TENT4A: variants seen among roughly 807,000 people sequenced by gnomAD.
TENT4A encodes terminal nucleotidyltransferase 4A.
Under a neutral mutation model 72.8 loss-of-function variants are expected in TENT4A, and 7 were observed. That is an observed-to-expected ratio of 0.10 (90% CI 0.05 to 0.18). The LOEUF is 0.18. TENT4A is among the 10% of genes least tolerant of loss of function. The pLI is 1.00. For missense variants in TENT4A, 831 were observed against 1,017.7 expected, an observed-to-expected ratio of 0.82 and a Z score of 2.50; for synonymous variants, 456 against 434.3, an observed-to-expected ratio of 1.05 and a Z score of -0.62.
intron 1 of TENT4A, 82 bp from the exon 2 acceptor site, chr5:6,737,428 C>T (rs560246108): frequency 1.0e-5 from 13 of 1,250,122 alleles, no homozygotes; most frequent in South Asian, 2.8e-5. Flanking sequence ...TATGTTTGAG[C>T]GTCATCCTGA....
intron 10 of TENT4A, 98 bp downstream of exon 10, chr5:6,750,601 C>T: frequency 8.2e-7 from 1 of 1,223,832 alleles, no homozygotes. Flanking sequence ...TGGTTTTGCT[C>T]AGGTTTTGTT....
chr5:6,731,328 A>G (rs561522462), intron 1 of TENT4A, among the ~76,000 whole-genome samples: 1 of 152,208 alleles, frequency 6.6e-6, no homozygotes, highest in Non-Finnish European at 1.5e-5. Flanking sequence ...TGGGAACTGA[A>G]CTCACATGCA....
At chr5:6,748,121 C>T (rs1013777551) in intron 7 of TENT4A, among the ~76,000 whole-genome samples, 1 of 152,312 alleles carries the variant, frequency 6.6e-6, no homozygotes, top group Non-Finnish European at 1.5e-5. Context: ...TTGGCTTCCT[C>T]ATGTTTCTGC....
intron 6 of TENT4A, among the ~76,000 whole-genome samples, 154 bp downstream of exon 6, chr5:6,743,994 C>T (rs1214704735): frequency 6.6e-6 from 1 of 152,100 alleles, no homozygotes; most frequent in Non-Finnish European, 1.5e-5. Flanking sequence ...ACAATCAAAC[C>T]CTCTTGATTA....
intron 6 of TENT4A, among the ~76,000 whole-genome samples, chr5:6,745,002 C>T (rs746831683): frequency 2.6e-5 from 4 of 152,196 alleles, no homozygotes; most frequent in South Asian, 4.1e-4. Flanking sequence ...GAGGCCACCA[C>T]AGCATGAGTG....
At chr5:6,736,575 A>G (rs1741511663) in intron 1 of TENT4A, among the ~76,000 whole-genome samples, 1 of 152,182 alleles carries the variant, frequency 6.6e-6, no homozygotes, top group Non-Finnish European at 1.5e-5. Flanking sequence ...TCTTTAATTA[A>G]TCCCTTAAAG....
At position 6,736,299 on chromosome 5, in the gene TENT4A, T is replaced by C. The variant is rs540077789; in HGVS notation, c.717-1211T>C. Among the ~76,000 whole-genome samples, 15 of 152,292 alleles carry C rather than the reference T, an allele frequency of 9.8e-5. No homozygotes were observed. The East Asian group carries it at 2.5e-3, about 26-fold the overall frequency. The stretch of plus-strand genomic sequence containing the variant: ...GGTGACTGACAGTTGAAATTAACCT[T>C]ACACAAGAGCCAAACTGTAGGCTGA... On this transcript the variant is annotated intron_variant, in intron 1 of 12. Coordinates refer to ENST00000230859, the MANE Select transcript of TENT4A (RefSeq NM_006999.6).
At position 6,714,036 on chromosome 5, in the gene TENT4A, C is replaced by T. The variant is rs966736137; in HGVS notation, c.53C>T (p.Ala18Val). Reference sequence around the variant, plus strand: ...CCCGAGCAGAAGGGGCCGGCCAATGCCCTGTGGATGCAGATCTGGGAGACC... The same window carrying T: ...CCCGAGCAGAAGGGGCCGGCCAATGTCCTGTGGATGCAGATCTGGGAGACC... Reference protein sequence around the residue: ...IQPEQKGPANALWMQIWETSQ... With the variant: ...IQPEQKGPANVLWMQIWETSQ... The change falls in exon 1 of 13, where the codon GCC (alanine) becomes GTC (valine). Residue 18 changes from alanine (A) to valine (V), a missense_variant. Around this residue, in one of 3 missense-constraint regions of TENT4A, gnomAD observed 302 missense variants for 293.8 expected, o/e 1.03. Transcript: ENST00000230859. 7 of 989,540 alleles carry T rather than the reference C, an allele frequency of 7.1e-6. No individual in the cohort carries two copies. Among genetic ancestry groups the T allele is most frequent in the Non-Finnish European group, 8.4e-6 (7 of 833,616 alleles). The allele number at this position is 989,540 out of a possible 1,614,324, so 61.3% of individuals were successfully genotyped here.
chr5:6,727,583 G>T (rs1014838936), intron 1 of TENT4A, among the ~76,000 whole-genome samples: 1 of 152,162 alleles, frequency 6.6e-6, no homozygotes, highest in Non-Finnish European at 1.5e-5. Flanking sequence ...GCTGTCCATT[G>T]TGCCAGAGTG....
intron 6 of TENT4A, 56 bp from the exon 7 acceptor site, chr5:6,746,158 T>C: frequency 1.2e-6 from 2 of 1,612,962 alleles, no homozygotes; most frequent in Non-Finnish European, 1.7e-6. Context: ...TCGCGTGCTA[T>C]TTTCTTTAGA....
intron 1 of TENT4A, among the ~76,000 whole-genome samples, chr5:6,727,051 GC>G (rs1294535132): frequency 6.6e-6 from 1 of 151,912 alleles, no homozygotes; most frequent in Non-Finnish European, 1.5e-5. Flanking sequence ...TTGCTTCTTC[GC>G]TCTTGTTCCA....
chr5:6,746,713 G>C (rs546279297), intron 7 of TENT4A, among the ~76,000 whole-genome samples: 2 of 152,238 alleles, frequency 1.3e-5, no homozygotes, highest in African/African-American at 2.4e-5. Flanking sequence ...TAAACCATTT[G>C]TTTCTCTGAA....
rs1440327006 is a variant in TENT4A at position 6,740,510 on chromosome 5, C to T, written c.1008+658C>T. Among the ~76,000 whole-genome samples, 4 of 152,186 alleles carry T rather than the reference C, an allele frequency of 2.6e-5. No homozygotes were observed. In the East Asian group the frequency reaches 7.7e-4, roughly 29 times the overall value. ...TGTGTGTCAACTTGTGTGTGATTCA[C>T]ATCCTTATAGTGTTTAGCAGAATGT... On this transcript the variant is annotated intron_variant, in intron 4 of 12. Coordinates refer to ENST00000230859, the MANE Select transcript of TENT4A (RefSeq NM_006999.6).
rs772959682 is a variant in TENT4A at position 6,737,576 on chromosome 5, A to G, written c.783A>G (p.Arg261=). 6.2e-7 allele frequency: 1 copy of G among 1,614,158 alleles called. No homozygotes were observed. The highest frequency in any genetic ancestry group is 1.1e-5 in the South Asian group (1 of 91,076). The change falls in exon 2 of 13, where the codon AGA becomes AGG. Residue 261 remains arginine (R), a synonymous_variant. Transcript: ENST00000230859. ...CTTGTCCTGAAGAAGCAGCTATGAGAAGAGAGGTGGTGAAACGGATCGAAA... is the reference window on the plus strand; with the variant it reads ...CTTGTCCTGAAGAAGCAGCTATGAGGAGAGAGGTGGTGAAACGGATCGAAA... ...MSPCPEEAAM[R]REVVKRIETV... is the part of the protein sequence containing the mutation.
At chr5:6,737,690 C>T in intron 2 of TENT4A, 57 bp downstream of exon 2, 37 of 1,560,958 alleles carry the variant, frequency 2.4e-5, no homozygotes, top group Middle Eastern at 1.7e-4. Flanking sequence ...AATTTAAATA[C>T]CCTGTGATGA....
At position 6,754,861 on chromosome 5, in the gene TENT4A, A is replaced by T; in HGVS notation, c.2295A>T (p.Gly765=). The T allele has an allele frequency of 6.2e-7, 1 of 1,609,970 alleles. No individual in the cohort carries two copies. Among genetic ancestry groups the T allele is most frequent in the Non-Finnish European group, 8.5e-7 (1 of 1,177,230 alleles). The change falls in exon 13 of 13, where the codon GGA becomes GGT. Residue 765 remains glycine, a synonymous_variant. Coordinates refer to ENST00000230859, the MANE Select transcript of TENT4A (RefSeq NM_006999.6). ...GGVRPPVGNR[G]HHQYNRTGWR... is the part of the protein sequence containing the mutation. ...TGCGGCCCCCTGTGGGCAACAGGGG[A>T]CACCACCAGTATAACCGCACCGGCT...
At chr5:6,730,422 C>G (rs888963138) in intron 1 of TENT4A, among the ~76,000 whole-genome samples, 8 of 152,210 alleles carry the variant, frequency 5.3e-5, no homozygotes, top group African/African-American at 1.9e-4. Flanking sequence ...CGGTCTTAAC[C>G]TTTTTCACCG....
At chr5:6,737,846 G>A (rs1484169110) in intron 2 of TENT4A, among the ~76,000 whole-genome samples, 5 of 151,746 alleles carry the variant, frequency 3.3e-5, no homozygotes, top group Admixed American at 3.3e-4. Context: ...TGCGGTGGCC[G>A]CACATCTTCG....
chr5:6,743,910 T>TA, intron 6 of TENT4A, 70 bp downstream of exon 6: 1 of 1,443,838 alleles, frequency 6.9e-7, no homozygotes, highest in Non-Finnish European at 9.5e-7. Flanking sequence ...ACCAGTTGCC[T>TA]AGTGGGTTCC....
Sources: gnomAD v4.1 joint callset for allele counts (sites outside exome capture counted in the v4.1 genomes callset) on GRCh38, gnomAD v4.1.1 for gene constraint, gnomAD v4.1.1 regional missense constraint, MANE v1.5 for transcripts, NCBI Gene and HGNC (gene_info 2026-07-23, HGNC 2026-07-21) for gene names.